Variants in SAMSN1 observed in about 807,000 individuals in gnomAD.
The protein encoded by SAMSN1 is SAM domain-containing protein SAMSN-1.
A neutral mutation model predicts 42.0 loss-of-function variants in SAMSN1; 31 were observed. That is an observed-to-expected ratio of 0.74 (90% CI 0.55 to 1.00). The LOEUF is 1.00. SAMSN1 is among the 50% of genes least tolerant of loss of function. SAMSN1 has a pLI of 0.00. For missense variants in SAMSN1, 464 were observed against 439.4 expected (o/e 1.06, Z -0.50); for synonymous variants, 178 against 151.9 (o/e 1.17, Z -1.26).
At chr21:14,636,338 CCT>C (rs1377889606) in intron 2 of SAMSN1, among the ~76,000 whole-genome samples, 4 of 151,918 alleles carry the variant, frequency 2.6e-5, no homozygotes, top group Admixed American at 2.6e-4. Context: ...CTAATCAACC[CCT>C]CTTAATCTCT....
chr21:14,523,203 CT>C (rs1338070199), intron 1 of SAMSN1: 1 of 152,200 alleles, frequency 6.6e-6, no homozygotes, highest in Non-Finnish European at 1.5e-5. Flanking sequence ...GCTCTTATGT[CT>C]CCCTACCAGC....
intron 1 of SAMSN1, among the ~76,000 whole-genome samples, chr21:14,541,073 T>C (rs929738431): frequency 6.9e-6 from 1 of 144,828 alleles, no homozygotes; most frequent in Non-Finnish European, 1.5e-5. Context: ...TCAGTGGGAA[T>C]TGAACAATGG....
chr21:14,499,408 C>G (rs1463463933), intron 6 of SAMSN1, among the ~76,000 whole-genome samples: 1 of 150,342 alleles, frequency 6.7e-6, no homozygotes, highest in East Asian at 1.9e-4. Context: ...TTTCAATATC[C>G]TTATTTTAAT....
intron 2 of SAMSN1, among the ~76,000 whole-genome samples, chr21:14,633,317 C>A (rs1310471741): frequency 6.6e-6 from 1 of 152,168 alleles, no homozygotes; most frequent in Non-Finnish European, 1.5e-5. Flanking sequence ...GCCTTCTGCA[C>A]TACCAAAAGG....
chr21:14,589,898 T>C (rs1982028647), intron 7 of SAMSN1, among the ~76,000 whole-genome samples: 3 of 152,322 alleles, frequency 2.0e-5, no homozygotes, highest in Non-Finnish European at 4.4e-5. Flanking sequence ...TAACCTGATG[T>C]CTATCTCACA....
intron 3 of SAMSN1, chr21:14,615,896 G>A: frequency 3.0e-6 from 1 of 337,298 alleles, no homozygotes; most frequent in Non-Finnish European, 5.6e-6. Flanking sequence ...AAAGTACTTT[G>A]GCACGAAGTC....
intron 1 of SAMSN1, among the ~76,000 whole-genome samples, chr21:14,643,360 A>T (rs1164060491): frequency 1.3e-5 from 2 of 152,218 alleles, no homozygotes; most frequent in Non-Finnish European, 2.9e-5. Flanking sequence ...AGAGCCAAGA[A>T]TTTAAACAAG....
At chr21:14,635,188 A>G (rs1218490642) in intron 2 of SAMSN1, among the ~76,000 whole-genome samples, 1 of 152,116 alleles carries the variant, frequency 6.6e-6, no homozygotes, top group Non-Finnish European at 1.5e-5. Context: ...TTAGGGGGCA[A>G]TGACGAGGGG....
chr21:14,524,623 G>A (rs1161765850), intron 1 of SAMSN1, among the ~76,000 whole-genome samples: 1 of 152,160 alleles, frequency 6.6e-6, no homozygotes, highest in East Asian at 1.9e-4. Context: ...GTCTTTATCA[G>A]CAATACATTT....
intron 6 of SAMSN1, among the ~76,000 whole-genome samples, chr21:14,499,628 TG>T (rs1359660447): frequency 6.6e-6 from 1 of 152,054 alleles, no homozygotes; most frequent in Non-Finnish European, 1.5e-5. Context: ...TGTGCATTCT[TG>T]GGGAAGTCAT....
chr21:14,602,820 C>A (rs1982470061), intron 5 of SAMSN1, among the ~76,000 whole-genome samples: 1 of 152,110 alleles, frequency 6.6e-6, no homozygotes, highest in South Asian at 2.1e-4. Flanking sequence ...TTACTTGCAA[C>A]CATTGCTTCA....
upstream of SAMSN1, among the ~76,000 whole-genome samples, chr21:14,586,221 C>T (rs1020989010): frequency 2.1e-5 from 3 of 139,894 alleles, no homozygotes; most frequent in African/African-American, 8.2e-5. Context: ...CGAGATCGCA[C>T]CACTGAACTC....
Position 14,510,388 on chromosome 21 carries a change from T to G in SAMSN1, c.483A>C (p.Ser161=). Residue 161 remains serine (S), a synonymous_variant, in exon 5 of 8, where the codon TCA becomes TCC. Coordinates refer to ENST00000400566, the MANE Select transcript of SAMSN1 (RefSeq NM_022136.5). Reference sequence around the variant, plus strand: ...CTCTGGCACGGCCACAGAATGGTCCTGAATAGGGGCCATCGTCATCCAGTC... The same window carrying G: ...CTCTGGCACGGCCACAGAATGGTCCGGAATAGGGGCCATCGTCATCCAGTC... The part of the protein sequence containing the change: ...SFRLDDDGPY[S]GPFCGRARVH... The G allele has an allele frequency of 6.2e-7, 1 of 1,614,148 alleles. No individual in the cohort carries two copies. Among genetic ancestry groups the G allele is most frequent in the Non-Finnish European group, 8.5e-7 (1 of 1,179,964 alleles).
upstream of SAMSN1, among the ~76,000 whole-genome samples, chr21:14,586,600 A>G (rs1053545887): frequency 4.6e-5 from 7 of 152,202 alleles, no homozygotes; most frequent in African/African-American, 1.7e-4. Flanking sequence ...ACAGGCGATA[A>G]ACATATAAAC....
intron 1 of SAMSN1, among the ~76,000 whole-genome samples, chr21:14,648,410 T>C (rs1017316522): frequency 1.3e-4 from 20 of 152,080 alleles, no homozygotes; most frequent in African/African-American, 4.6e-4. Context: ...AAAGCCAAAA[T>C]TGACAAATGG....
upstream of SAMSN1, among the ~76,000 whole-genome samples, chr21:14,546,647 G>A (rs1600922331): frequency 6.9e-6 from 1 of 144,566 alleles, no homozygotes; most frequent in Non-Finnish European, 1.5e-5. Context: ...AATAAAACTT[G>A]AGATGTTGGT....
chr21:14,590,266 A>ATTT (rs56187524), intron 7 of SAMSN1, among the ~76,000 whole-genome samples: 12 of 151,012 alleles, frequency 7.9e-5, no homozygotes, highest in South Asian at 6.3e-4. Context: ...AATTGGGAGA[A>ATTT]TTTTTTTTTC....
Position 14,562,842 on chromosome 21 carries a change from G to A in SAMSN1, c.261+19294C>T, listed in dbSNP as rs117100645. ...TAATACAGCTGTAATTTTCTGTTAC[G>A]TATATTTCTTCCAATGTAATGAACT... On this transcript the variant is annotated intron_variant, in intron 2 of 8. Coordinates refer to the SAMSN1 transcript ENST00000285670. Among the ~76,000 whole-genome samples, 16 of 152,136 alleles carry A rather than the reference G, an allele frequency of 1.1e-4. 1 individual carries two copies. Among genetic ancestry groups the A allele is most frequent in the South Asian group, 4.1e-4 (2 of 4,822 alleles).
At chr21:14,533,283 AC>A in intron 1 of SAMSN1, among the ~76,000 whole-genome samples, 1 of 152,198 alleles carries the variant, frequency 6.6e-6, no homozygotes, top group East Asian at 1.9e-4. Flanking sequence ...GGGAAAAAAA[AC>A]CCCAGAAAAT....
Sources: allele counts gnomAD v4.1 joint callset (sites outside exome capture counted in the v4.1 genomes callset), GRCh38; gene constraint gnomAD v4.1.1; transcripts MANE v1.5; gene names NCBI Gene and HGNC (gene_info 2026-07-23, HGNC 2026-07-21).